Variants in BAIAP2 observed in about 807,000 individuals in gnomAD.
BAIAP2 encodes BAR/IMD domain-containing adapter protein 2.
Under a neutral mutation model 63.0 loss-of-function variants are expected in BAIAP2, and 18 were observed. The ratio of observed to expected loss-of-function variants is 0.29; its 90% CI spans 0.20 to 0.42. The LOEUF is 0.42. Among genes scored for constraint, BAIAP2 ranks in the 10% least tolerant of loss-of-function variants. The pLI, the probability that BAIAP2 is intolerant of heterozygous loss-of-function variation, is 1.00. For synonymous variants in BAIAP2, 386 were observed against 307.6 expected (o/e 1.25, Z -2.67); for missense variants, 610 against 734.3 (o/e 0.83, Z 1.96).
intron 3 of BAIAP2, among the ~76,000 whole-genome samples, chr17:81,060,850 C>T (rs112869545): frequency 0.032 from 4,939 of 152,168 alleles, 93 homozygotes; most frequent in Middle Eastern, 0.065. Flanking sequence ...GGGCCGGGCG[C>T]GGTGGCTCAC....
At chr17:81,087,984 C>T (rs957035708) in intron 6 of BAIAP2, 10 of 152,136 alleles carry the variant, frequency 6.6e-5, no homozygotes, top group African/African-American at 2.4e-4. Context: ...CGTCCTCAAG[C>T]TGTTTCTGTG....
intron 13 of BAIAP2, chr17:81,108,855 C>A: frequency 6.9e-7 from 1 of 1,450,932 alleles, no homozygotes; most frequent in South Asian, 1.4e-5. Flanking sequence ...CCTGGAGGGT[C>A]AGGAGGCCAA....
rs752958056 is a variant in BAIAP2 at position 81,106,802 on chromosome 17, C to T, written c.1395C>T (p.Ala465=). 7.4e-6 allele frequency: 12 copies of T among 1,612,394 alleles called. No individual in the cohort carries two copies. The highest frequency in any genetic ancestry group is 1.0e-5 in the Non-Finnish European group (12 of 1,179,750). ...ACCTCCTGGACAAGGACGACCTGGC[C>T]ATCCCACCCCCCGATTACGGCGCCG... The part of the protein sequence containing the change: ...TGNLLDKDDL[A]IPPPDYGAAS... Residue 465 remains alanine, a synonymous_variant, in exon 12 of 14, where the codon GCC becomes GCT. Transcript: ENST00000428708.
chr17:81,051,762 T>TC (rs1408283954), intron 1 of BAIAP2, among the ~76,000 whole-genome samples: 1 of 152,168 alleles, frequency 6.6e-6, no homozygotes, highest in Admixed American at 6.5e-5. Flanking sequence ...CAATCACAGT[T>TC]CACTGCAGCT....
At chr17:81,081,477 G>T (rs950764727) in intron 3 of BAIAP2, among the ~76,000 whole-genome samples, 1 of 152,178 alleles carries the variant, frequency 6.6e-6, no homozygotes, top group Admixed American at 6.5e-5. Flanking sequence ...GCCTGTGCCA[G>T]CCCTAGCTGG....
intron 3 of BAIAP2, among the ~76,000 whole-genome samples, chr17:81,071,977 TC>T (rs1206298067): frequency 1.3e-5 from 2 of 151,944 alleles, no homozygotes; most frequent in African/African-American, 2.4e-5. Flanking sequence ...TCCGTGATCA[TC>T]CCCCCCTCCC....
At chr17:81,084,063 G>C (rs961534253) in intron 3 of BAIAP2, among the ~76,000 whole-genome samples, 7 of 152,224 alleles carry the variant, frequency 4.6e-5, no homozygotes, top group Non-Finnish European at 8.8e-5. Flanking sequence ...GCCTCTGACG[G>C]CGCTTACCCT....
intron 3 of BAIAP2, among the ~76,000 whole-genome samples, chr17:81,077,529 C>G (rs1339510873): frequency 6.6e-6 from 1 of 151,138 alleles, no homozygotes; most frequent in East Asian, 1.9e-4. Flanking sequence ...GATAGTGCCA[C>G]TGTACTTCAG....
intron 1 of BAIAP2, among the ~76,000 whole-genome samples, chr17:81,044,990 C>T (rs1322208629): frequency 6.6e-6 from 1 of 152,212 alleles, no homozygotes; most frequent in Admixed American, 6.5e-5. Context: ...GCTCTGTCCC[C>T]ATTGAAGCTG....
chr17:81,058,070 T>G, intron 3 of BAIAP2, 103 bp downstream of exon 3: 1 of 939,646 alleles, frequency 1.1e-6, no homozygotes, highest in Non-Finnish European at 1.6e-6. Context: ...GGATCAGGTT[T>G]TGCCTGTCAA....
intron 6 of BAIAP2, among the ~76,000 whole-genome samples, chr17:81,095,912 G>A (rs745771916): frequency 3.3e-5 from 5 of 152,124 alleles, no homozygotes; most frequent in Non-Finnish European, 7.4e-5. Context: ...AGTACCCCTC[G>A]CTGTACTCTC....
chr17:81,104,189 A>G, intron 9 of BAIAP2, 81 bp downstream of exon 9: 2 of 1,460,644 alleles, frequency 1.4e-6, no homozygotes, highest in African/African-American at 1.4e-5. Flanking sequence ...AACCCTCAAT[A>G]GGGGCCTGGG....
intron 1 of BAIAP2, among the ~76,000 whole-genome samples, chr17:81,045,689 G>A (rs2047702597): frequency 6.6e-6 from 1 of 152,176 alleles, no homozygotes; most frequent in Admixed American, 6.5e-5. Flanking sequence ...ATGACCCATG[G>A]CCAGGCTGCC....
intron 13 of BAIAP2, chr17:81,109,471 C>T: frequency 3.0e-6 from 3 of 985,972 alleles, no homozygotes; most frequent in African/African-American, 1.8e-5. Flanking sequence ...CTCCGGTGTG[C>T]GCTGTTATCT....
chr17:81,071,008 C>A (rs1302998352), intron 3 of BAIAP2, among the ~76,000 whole-genome samples: 6 of 152,218 alleles, frequency 3.9e-5, no homozygotes, highest in Non-Finnish European at 8.8e-5. Flanking sequence ...AGCCTTGACA[C>A]CAAGGTGGCT....
Position 81,059,379 on chromosome 17 carries a change from A to G in BAIAP2, c.217+1412A>G, listed in dbSNP as rs529467826. Among the ~76,000 whole-genome samples, 309 of 152,310 alleles carry G rather than the reference A, an allele frequency of 2.0e-3. 1 individual carries two copies. Among genetic ancestry groups the G allele is most frequent in the African/African-American group, 7.0e-3 (291 of 41,572 alleles). ...TGCAACCAACAGCAGCCTGCCTTGG[A>G]GCTCCTGGGCCCTGACCGGGTCTTC... On this transcript the variant is annotated intron_variant, in intron 3 of 13. Coordinates refer to ENST00000428708, the MANE Select transcript of BAIAP2 (RefSeq NM_001144888.2).
At chr17:81,090,726 G>A (rs761065338) in intron 6 of BAIAP2, among the ~76,000 whole-genome samples, 2 of 152,198 alleles carry the variant, frequency 1.3e-5, no homozygotes, top group East Asian at 1.9e-4. Context: ...ATGTGGCTGC[G>A]TACGCGCCCC....
At position 81,057,957 on chromosome 17, in the gene BAIAP2, C is replaced by T. The variant is rs1458303761; in HGVS notation, c.207C>T (p.Ser69=). ...AGCTGGCCAGCGAGAGCCAGGGCTC[C>T]AAAGAACTCGGTGAGACCCCCCCCC... is the stretch of plus-strand genomic sequence containing the variant. The part of the protein sequence containing the change: ...MGELASESQG[S]KELGDVLFQM... The change falls in exon 3 of 14, where the codon TCC becomes TCT. Residue 69 remains serine (S), a synonymous_variant. Coordinates refer to ENST00000428708, the MANE Select transcript of BAIAP2 (RefSeq NM_001144888.2). The T allele has an allele frequency of 1.4e-6, 2 of 1,442,722 alleles. No homozygotes were observed. Among genetic ancestry groups the T allele is most frequent in the Non-Finnish European group, 1.9e-6 (2 of 1,055,230 alleles). 89.4% of individuals were successfully genotyped at this position (1,442,722 alleles called of 1,614,324 possible). A position where few individuals can be genotyped will look rare whatever the true frequency, so the allele number is the denominator to read the frequency against.
intron 7 of BAIAP2, among the ~76,000 whole-genome samples, chr17:81,103,164 T>C (rs2058718170): frequency 6.6e-6 from 1 of 152,158 alleles, no homozygotes; most frequent in Non-Finnish European, 1.5e-5. Flanking sequence ...TCCTGGCACT[T>C]TGGGGTTTGC....
Sources: allele counts gnomAD v4.1 joint callset (sites outside exome capture counted in the v4.1 genomes callset), GRCh38; gene constraint gnomAD v4.1.1; transcripts MANE v1.5; gene names NCBI Gene and HGNC (gene_info 2026-07-23, HGNC 2026-07-21).